Variants in TRIO observed in about 807,000 individuals in gnomAD.
TRIO encodes triple functional domain protein.
TRIO carries 58 observed loss-of-function variants against 351.9 expected under a neutral mutation model. That is an observed-to-expected ratio of 0.16 (90% CI 0.13 to 0.21). The LOEUF (loss-of-function observed/expected upper bound fraction) is 0.21. Among genes scored for constraint, TRIO ranks in the 10% least tolerant of loss-of-function variants. The probability of loss-of-function intolerance (pLI) is 1.00; values close to 1 mark genes in which losing one functional copy is unlikely to be tolerated. For missense variants in TRIO, 3,201 were observed against 4,027.8 expected (o/e 0.79, Z 5.56); for synonymous variants, 1,758 against 1,595.7 (o/e 1.10, Z -2.42).
rs760944675 is a variant in TRIO at position 14,330,840 on chromosome 5, A to G, written c.1794A>G (p.Lys598=). 3.7e-6 allele frequency: 6 copies of G among 1,614,184 alleles called. No individual in the cohort carries two copies. In the Admixed American group the frequency reaches 8.3e-5, roughly 22 times the overall value. Reference sequence around the variant, plus strand: ...TGAGCAAACATACAGGTGTGGGGAAATCTCTTCATCGGGCCAGAGCATTGC... The same window carrying G: ...TGAGCAAACATACAGGTGTGGGGAAGTCTCTTCATCGGGCCAGAGCATTGC... ...AFLSKHTGVG[K]SLHRARALQK... The change falls in exon 10 of 57, where the codon AAA becomes AAG. Residue 598 remains lysine (K), a synonymous_variant. Transcript: ENST00000344204.
intron 6 of TRIO, among the ~76,000 whole-genome samples, chr5:14,295,707 C>T (rs1227035044): frequency 6.6e-6 from 1 of 152,170 alleles, no homozygotes; most frequent in African/African-American, 2.4e-5. Flanking sequence ...AGAAAGAATG[C>T]ACTTGGGAAT....
At chr5:14,489,121 T>A in intron 48 of TRIO, 1 of 734,922 alleles carries the variant, frequency 1.4e-6, no homozygotes, top group East Asian at 2.5e-5. Flanking sequence ...CTTTATAAAT[T>A]TTTAAATACA....
intron 54 of TRIO, among the ~76,000 whole-genome samples, chr5:14,503,122 C>T (rs914585817): frequency 6.6e-6 from 1 of 152,278 alleles, no homozygotes; most frequent in African/African-American, 2.4e-5. Flanking sequence ...GCAGCCGAGT[C>T]AGGGGTGGCC....
chr5:14,401,303 G>A (rs1457634195), intron 31 of TRIO, among the ~76,000 whole-genome samples: 2 of 152,272 alleles, frequency 1.3e-5, no homozygotes, highest in African/African-American at 2.4e-5. Flanking sequence ...ATGAAGCAAG[G>A]TCTTTTTATA....
chr5:14,399,464 C>G (rs903493996), intron 30 of TRIO: 5 of 249,078 alleles, frequency 2.0e-5, no homozygotes, highest in African/African-American at 1.1e-4. Context: ...AACAGCCTTA[C>G]TGGGTGGCTC....
At chr5:14,177,353 G>T (rs1561167561) in intron 1 of TRIO, among the ~76,000 whole-genome samples, 1 of 152,236 alleles carries the variant, frequency 6.6e-6, no homozygotes, top group Admixed American at 6.5e-5. Context: ...TTCTTATGGG[G>T]ATTTTCAAAC....
chr5:14,395,010 C>G (rs1358200885), intron 28 of TRIO, among the ~76,000 whole-genome samples: 2 of 152,142 alleles, frequency 1.3e-5, no homozygotes, highest in African/African-American at 4.8e-5. Flanking sequence ...TTCTATGAAT[C>G]CTGCCATGTT....
At chr5:14,248,425 A>T (rs760681594) in intron 1 of TRIO, among the ~76,000 whole-genome samples, 8 of 152,220 alleles carry the variant, frequency 5.3e-5, no homozygotes, top group Non-Finnish European at 7.3e-5. Flanking sequence ...TAGATTAGGA[A>T]AGTAAAATAA....
At chr5:14,504,025 G>A (rs1044800061) in intron 54 of TRIO, among the ~76,000 whole-genome samples, 15 of 152,244 alleles carry the variant, frequency 9.9e-5, no homozygotes, top group Admixed American at 5.9e-4. Context: ...GGTGGCTGAC[G>A]GGAGGCGTGA....
At chr5:14,369,708 G>A (rs931827497) in intron 18 of TRIO, among the ~76,000 whole-genome samples, 185 bp downstream of exon 18, 1 of 152,232 alleles carries the variant, frequency 6.6e-6, no homozygotes, top group Non-Finnish European at 1.5e-5. Context: ...TCCTTTTCAT[G>A]TGCGATTGCC....
Position 14,387,754 on chromosome 5 carries a change from T to A in TRIO, c.3788T>A (p.Ile1263Asn). The A allele has an allele frequency of 6.2e-7, 1 of 1,614,234 alleles. No homozygotes were observed. Among genetic ancestry groups the A allele is most frequent in the Non-Finnish European group, 8.5e-7 (1 of 1,180,034 alleles). Residue 1263 changes from isoleucine to asparagine, a missense_variant, in exon 23 of 57, where the codon ATC becomes AAC. Physicochemically the swap from Ile to Asn is moderately radical, Grantham distance 149. Transcript: ENST00000344204. ...CAGAGTAAAAGTCTCCAGCTAGATA[T>A]CATTCCAGCCAGTATCCCTGGCTCA... Reference protein sequence around the residue: ...NKSSKSLQLDIIPASIPGSEV... With the variant: ...NKSSKSLQLDNIPASIPGSEV...
At chr5:14,415,391 A>C (rs1005610417) in intron 33 of TRIO, among the ~76,000 whole-genome samples, 5 of 152,146 alleles carry the variant, frequency 3.3e-5, no homozygotes, top group Non-Finnish European at 7.3e-5. Context: ...CAAACCAGGT[A>C]TTGCCGCCGT....
At chr5:14,202,307 T>TGA in intron 1 of TRIO, among the ~76,000 whole-genome samples, 1 of 90,366 alleles carries the variant, frequency 1.1e-5, no homozygotes, top group Non-Finnish European at 2.2e-5. Context: ...TTTTTTTTTT[T>TGA]TTTTTTTTTT....
chr5:14,317,650 C>G (rs1186284791), intron 9 of TRIO, among the ~76,000 whole-genome samples: 1 of 152,188 alleles, frequency 6.6e-6, no homozygotes, highest in Non-Finnish European at 1.5e-5. Context: ...ATGTCATTCA[C>G]CATCATTCTC....
rs751447257 is a variant in TRIO at position 14,388,593 on chromosome 5, A to T, written c.3882-20A>T. 1.9e-6 allele frequency: 3 copies of T among 1,608,182 alleles called. No individual in the cohort carries two copies. The highest frequency in any genetic ancestry group is 2.5e-6 in the Non-Finnish European group (3 of 1,178,178). ...AAGCTGCACCCTGACTGTACTCCTCACTGTCTTCCTCTCTTTAAGGTTCAT... is the reference window on the plus strand; with the variant it reads ...AAGCTGCACCCTGACTGTACTCCTCTCTGTCTTCCTCTCTTTAAGGTTCAT... On this transcript the variant is annotated intron_variant, in intron 23 of 56. Coordinates refer to ENST00000344204, the MANE Select transcript of TRIO (RefSeq NM_007118.4).
At chr5:14,339,848 A>G (rs552203952) in intron 11 of TRIO, among the ~76,000 whole-genome samples, 92 of 152,340 alleles carry the variant, frequency 6.0e-4, no homozygotes, top group African/African-American at 2.1e-3. Context: ...TGGTTTCTTC[A>G]GTCATCGTAT....
intron 1 of TRIO, among the ~76,000 whole-genome samples, chr5:14,194,862 A>G (rs1426131973): frequency 6.6e-6 from 1 of 152,242 alleles, no homozygotes; most frequent in Non-Finnish European, 1.5e-5. Context: ...TTACCCAGAT[A>G]TCTTACATGT....
rs374813267 is a variant in TRIO, at chr5:14,385,081, A to G, written c.3571-2357A>G. ...TCACCCAGTGGATTAGCCGAGATCAAAAAGGTGGACCCCATGCTGCGTGGA... is the reference window on the plus strand; with the variant it reads ...TCACCCAGTGGATTAGCCGAGATCAGAAAGGTGGACCCCATGCTGCGTGGA... On this transcript the variant is annotated intron_variant, in intron 21 of 56. Coordinates refer to ENST00000344204, the MANE Select transcript of TRIO (RefSeq NM_007118.4). Among the ~76,000 whole-genome samples the G allele has an allele frequency of 6.6e-5, 10 of 152,362 alleles. No individual in the cohort carries two copies. The East Asian group carries it at 1.7e-3, about 26-fold the overall frequency.
intron 1 of TRIO, among the ~76,000 whole-genome samples, chr5:14,177,462 T>C (rs1789477757): frequency 6.6e-6 from 1 of 152,200 alleles, no homozygotes; most frequent in Non-Finnish European, 1.5e-5. Context: ...CCTAGGTTTG[T>C]ACCATCCTTG....
Sources: allele counts gnomAD v4.1 joint callset (sites outside exome capture counted in the v4.1 genomes callset), GRCh38; gene constraint gnomAD v4.1.1; transcripts MANE v1.5; gene names NCBI Gene and HGNC (gene_info 2026-07-23, HGNC 2026-07-21).